Variants in AHCY observed in about 807,000 individuals in gnomAD.
AHCY encodes adenosylhomocysteinase.
A neutral mutation model predicts 45.4 loss-of-function variants in AHCY; 24 were observed. That is an observed-to-expected ratio of 0.53 (90% CI 0.38 to 0.74). The LOEUF is 0.74. AHCY is among the 30% of genes least tolerant of loss of function. AHCY has a pLI of 0.00. For synonymous variants in AHCY, 245 were observed against 235.1 expected (o/e 1.04, Z -0.39); for missense variants, 449 against 594.1 (o/e 0.76, Z 2.54).
At chr20:34,276,631 A>ACTC (rs1489793300), downstream of AHCY, among the ~76,000 whole-genome samples, 2 of 151,864 alleles carry the variant, frequency 1.3e-5, no homozygotes, top group Non-Finnish European at 2.9e-5. Flanking sequence ...CAAGGTTGTA[A>ACTC]CTCCTCCCAC....
At chr20:34,263,751 C>T in the AHCY span, among the ~76,000 whole-genome samples, 1 of 151,474 alleles carries the variant, frequency 6.6e-6, no homozygotes, top group South Asian at 2.1e-4. Flanking sequence ...TCACTGCAAC[C>T]TTCACCTGGC....
At position 34,293,896 on chromosome 20, in the gene AHCY, A is replaced by C. The variant is rs1014801120; in HGVS notation, c.295+185T>G. 29 of 687,334 alleles carry C rather than the reference A, an allele frequency of 4.2e-5. No homozygotes were observed. The Middle Eastern group carries it at 7.4e-4, about 18-fold the overall frequency. 42.6% of individuals were successfully genotyped at this position (687,334 alleles called of 1,614,324 possible). Reference sequence around the variant, plus strand: ...TGACCTGGGTCAATAAACAACTTCCACAGGATTTTAGATGATGATGGGACA... The same window carrying C: ...TGACCTGGGTCAATAAACAACTTCCCCAGGATTTTAGATGATGATGGGACA... On this transcript the variant is annotated intron_variant, in intron 3 of 9. Transcript: ENST00000217426.
intron 9 of AHCY, among the ~76,000 whole-genome samples, chr20:34,282,975 G>A (rs1326654631): frequency 6.6e-6 from 1 of 152,198 alleles, no homozygotes; most frequent in African/African-American, 2.4e-5. Context: ...ACACCCTTAA[G>A]AAGTAGGATG....
At chr20:34,239,068 C>A in the AHCY span, among the ~76,000 whole-genome samples, 1 of 152,102 alleles carries the variant, frequency 6.6e-6, no homozygotes, top group Non-Finnish European at 1.5e-5. Flanking sequence ...AATTTAAGCC[C>A]CCAAAGACAC....
chr20:34,243,193 G>A, the AHCY span, among the ~76,000 whole-genome samples: 1 of 152,212 alleles, frequency 6.6e-6, no homozygotes, highest in Admixed American at 6.5e-5. Flanking sequence ...CCCTTGAGAA[G>A]GGACACAGCC....
the AHCY span, chr20:34,269,279 C>A: frequency 7.6e-7 from 1 of 1,317,476 alleles, no homozygotes. Flanking sequence ...GCGGAGGTTC[C>A]AGGAGATGGG....
Position 34,294,075 on chromosome 20 carries a change from A to C in AHCY, c.295+6T>G. 1 of 1,614,002 alleles carries C rather than the reference A, an allele frequency of 6.2e-7. No individual in the cohort carries two copies. The highest frequency in any genetic ancestry group is 8.5e-7 in the Non-Finnish European group (1 of 1,179,916). On this transcript the variant is annotated splice_donor_region_variant and intron_variant, in intron 3 of 9. Transcript: ENST00000217426. The stretch of plus-strand genomic sequence containing the variant: ...ATTCCACGTCTCAGAAGCAAGCAGG[A>C]CTTACCCGGAATGCCAGCCTTGGCA...
At chr20:34,242,599 C>CAACAA in the AHCY span, among the ~76,000 whole-genome samples, 2 of 152,322 alleles carry the variant, frequency 1.3e-5, no homozygotes, top group South Asian at 2.1e-4. Flanking sequence ...AACAAACAAA[C>CAACAA]AACAAAACAA....
intron 9 of AHCY, among the ~76,000 whole-genome samples, chr20:34,283,002 G>C (rs2036052297): frequency 6.6e-6 from 1 of 152,132 alleles, no homozygotes; most frequent in Non-Finnish European, 1.5e-5. Context: ...GTTTATCCTT[G>C]TATCTTCAGA....
Position 34,280,780 on chromosome 20 carries a change from A to G in AHCY, c.*254T>C. ...GACTGACTTAGTGAGCTGTTCCAAG[A>G]CCACTGAGCTCATGGTTCCCTGTGG... On this transcript the variant is annotated 3_prime_UTR_variant, in exon 10 of 10. Transcript: ENST00000217426. 1.8e-6 allele frequency: 1 copy of G among 541,940 alleles called. No homozygotes were observed. The highest frequency in any genetic ancestry group is 3.3e-6 in the Non-Finnish European group (1 of 301,232). 33.6% of individuals were successfully genotyped at this position (541,940 alleles called of 1,614,324 possible). A position where few individuals can be genotyped will look rare whatever the true frequency, so the allele number is the denominator to read the frequency against.
chr20:34,283,571 C>T (rs912163557), intron 9 of AHCY, among the ~76,000 whole-genome samples: 2 of 151,020 alleles, frequency 1.3e-5, no homozygotes, highest in East Asian at 2.0e-4. Context: ...GGTGCTGAGG[C>T]GGGAGCTTTG....
intron 1 of AHCY, chr20:34,302,070 G>A (rs1395757285): frequency 2.5e-6 from 2 of 806,752 alleles, no homozygotes; most frequent in East Asian, 1.3e-4. Flanking sequence ...GTGCAATCTC[G>A]GCTCACTGCA....
chr20:34,290,101 A>C lies in AHCY; in HGVS notation c.972+231T>G, dbSNP rs532936112. Among the ~76,000 whole-genome samples, 2 of 152,288 alleles carry C rather than the reference A, an allele frequency of 1.3e-5. No individual in the cohort carries two copies. Among genetic ancestry groups the C allele is most frequent in the East Asian group, 3.9e-4 (2 of 5,180 alleles). On this transcript the variant is annotated intron_variant, in intron 8 of 9. Transcript: ENST00000217426. This position sits in a 1 kb window ranked among gnomAD's most constrained non-coding sequence, Gnocchi z 4.5. The stretch of plus-strand genomic sequence containing the variant: ...TATTCTGCACACAGTAGCTAGAGTG[A>C]TCTTTCTAAAACTACAGCCTCACCA...
At chr20:34,309,535 C>G (rs916690576) in intron 1 of AHCY, among the ~76,000 whole-genome samples, 1 of 152,126 alleles carries the variant, frequency 6.6e-6, no homozygotes, top group African/African-American at 2.4e-5. Context: ...CACAGTGGCT[C>G]ATGCCTGTGA....
At chr20:34,247,300 CT>C in the AHCY span, among the ~76,000 whole-genome samples, 449 of 120,644 alleles carry the variant, frequency 3.7e-3, 2 homozygotes, top group East Asian at 0.022. Flanking sequence ...TTATATGATG[CT>C]TTTTTTTTTT....
At chr20:34,282,046 T>C (rs892106308) in intron 9 of AHCY, among the ~76,000 whole-genome samples, 6 of 152,232 alleles carry the variant, frequency 3.9e-5, no homozygotes, top group South Asian at 2.1e-4. Flanking sequence ...GATTAAAATG[T>C]ATCTATAAAT....
At chr20:34,297,996 G>A (rs1371034664) in intron 1 of AHCY, among the ~76,000 whole-genome samples, 6 of 152,058 alleles carry the variant, frequency 3.9e-5, no homozygotes, top group African/African-American at 7.2e-5. Context: ...AAAATTAGCC[G>A]GGTGTGGTGG....
chr20:34,267,786 C>T, the AHCY span, among the ~76,000 whole-genome samples: 14 of 151,650 alleles, frequency 9.2e-5, no homozygotes, highest in Admixed American at 9.2e-4. Context: ...CTGCCTAGGC[C>T]TCCCAAAGTG....
chr20:34,306,144 G>C (rs1228659242), upstream of AHCY, among the ~76,000 whole-genome samples: 1 of 150,484 alleles, frequency 6.6e-6, no homozygotes, highest in African/African-American at 2.4e-5. Flanking sequence ...ATTAATTAAT[G>C]ATGACTCTCA....
Sources: allele counts gnomAD v4.1 joint callset (sites outside exome capture counted in the v4.1 genomes callset), GRCh38; gene constraint gnomAD v4.1.1; non-coding constraint Gnocchi (gnomAD v3.1); transcripts MANE v1.5; gene names NCBI Gene and HGNC (gene_info 2026-07-23, HGNC 2026-07-21).